The following SNAI2 variants were observed in gnomAD, a reference collection of about 807,000 sequenced individuals.
SNAI2 encodes zinc finger protein SNAI2.
SNAI2 carries 2 observed loss-of-function variants against 22.4 expected under a neutral mutation model. The observed-to-expected ratio is 0.09, with a 90% confidence interval of 0.04 to 0.28. SNAI2 has a LOEUF of 0.28. Ranked by LOEUF, SNAI2 falls within the 10% of genes least tolerant of loss-of-function variation. SNAI2 has a pLI of 1.00. For missense variants in SNAI2, 239 were observed against 320.8 expected (o/e 0.75, Z 1.95); for synonymous variants, 134 against 123.0 (o/e 1.09, Z -0.59).
At chr8:48,921,118 G>A in intron 1 of SNAI2, 69 bp downstream of exon 1, 2 of 1,098,074 alleles carry the variant, frequency 1.8e-6, no homozygotes, top group Non-Finnish European at 2.8e-6. Context: ...GGTATTTGAA[G>A]GGTAATACGT....
At position 48,920,221 on chromosome 8, in the gene SNAI2, A is replaced by G. The variant is rs1244310059; in HGVS notation, c.300T>C (p.Ser100=). The G allele has an allele frequency of 1.9e-6, 3 of 1,614,088 alleles. No homozygotes were observed. The highest frequency in any genetic ancestry group is 2.7e-5 in the African/African-American group (2 of 74,928). Reference sequence around the variant, plus strand: ...CATCACTAATGGGGCTTTCTGAGCCACTGTGGTCCTTGGAGGAGGTGTCAG... The same window carrying G: ...CATCACTAATGGGGCTTTCTGAGCCGCTGTGGTCCTTGGAGGAGGTGTCAG... The part of the protein sequence containing the change: ...PPSDTSSKDH[S]GSESPISDEE... Residue 100 remains serine, a synonymous_variant, in exon 2 of 3, where the codon AGT becomes AGC. Coordinates refer to ENST00000020945, the MANE Select transcript of SNAI2 (RefSeq NM_003068.5).
Position 48,918,558 on chromosome 8 carries a change from C to G in SNAI2, c.*249G>C. On this transcript the variant is annotated 3_prime_UTR_variant, in exon 3 of 3. Coordinates refer to ENST00000020945, the MANE Select transcript of SNAI2 (RefSeq NM_003068.5). ...GAAAGGTTACTGTCTTTTATTCTCT[C>G]AATCTAGCCATCAGCAAATATATAG... The G allele has an allele frequency of 2.0e-6, 1 of 499,228 alleles. No homozygotes were observed. Among genetic ancestry groups the G allele is most frequent in the Non-Finnish European group, 3.6e-6 (1 of 277,934 alleles). The allele number at this position is 499,228 out of a possible 1,614,324, so 30.9% of individuals were successfully genotyped here. A position where few individuals can be genotyped will look rare whatever the true frequency, so the allele number is the denominator to read the frequency against.
chr8:48,920,843 A>G (rs913827301), intron 1 of SNAI2, among the ~76,000 whole-genome samples: 1 of 152,228 alleles, frequency 6.6e-6, no homozygotes, highest in Non-Finnish European at 1.5e-5. Flanking sequence ...GCCTGCATCA[A>G]GCCGCCTTCT....
In SNAI2 at chr8:48,920,265, C is replaced by T. The variant is rs756592742; in HGVS notation, c.256G>A (p.Val86Met). 1 of 1,613,930 alleles carries T rather than the reference C, an allele frequency of 6.2e-7. No individual in the cohort carries two copies. The highest frequency in any genetic ancestry group is 8.5e-7 in the Non-Finnish European group (1 of 1,179,916). Reference sequence around the variant, plus strand: ...GTGTCAGATGGAGGAGGGGGACTCACTCGCCCCAAAGATGAGGAGTATCCG... The same window carrying T: ...GTGTCAGATGGAGGAGGGGGACTCATTCGCCCCAAAGATGAGGAGTATCCG... ...LSGYSSSLGRVSPPPPSDTSS... is the reference protein window; with the variant it reads ...LSGYSSSLGRMSPPPPSDTSS... The change falls in exon 2 of 3, where the codon GTG (valine) becomes ATG (methionine). Residue 86 changes from valine (V) to methionine (M), a missense_variant. Around this residue, in one of 3 missense-constraint regions of SNAI2, gnomAD observed 183 missense variants for 190.4 expected, o/e 0.96. Transcript: ENST00000020945.
rs1454355449 is a variant in SNAI2 at position 48,921,427 on chromosome 8, A to G, written c.-162T>C. 1 of 658,506 alleles carries G rather than the reference A, an allele frequency of 1.5e-6. No homozygotes were observed. The highest frequency in any genetic ancestry group is 1.8e-5 in the African/African-American group (1 of 54,982). The allele number at this position is 658,506 out of a possible 1,614,324, so 40.8% of individuals were successfully genotyped here. On this transcript the variant is annotated 5_prime_UTR_variant, in exon 1 of 3. Transcript: ENST00000020945. ...CTGAAGTCACCCGGCTCCTTTACGA[A>G]CTGAGCCCGTTTTGGCTGGGAGGGT... is the stretch of plus-strand genomic sequence containing the variant.
Position 48,921,041 on chromosome 8 carries a change from G to A in SNAI2, c.79+146C>T. 3 of 687,440 alleles carry A rather than the reference G, an allele frequency of 4.4e-6. No individual in the cohort carries two copies. The East Asian group carries it at 8.0e-5, about 18-fold the overall frequency. 42.6% of individuals were successfully genotyped at this position (687,440 alleles called of 1,614,324 possible). ...TAAAACGAACCCTAAATGATCAAAA[G>A]AATGTAAGCTCCCTTTCAGGACACT... On this transcript the variant is annotated intron_variant, in intron 1 of 2. Coordinates refer to ENST00000020945, the MANE Select transcript of SNAI2 (RefSeq NM_003068.5).
At chr8:48,919,857 A>G (rs367757608) in intron 2 of SNAI2, 39 bp downstream of exon 2, 397 of 1,597,470 alleles carry the variant, frequency 2.5e-4, no homozygotes, top group Middle Eastern at 4.3e-4. Context: ...GCTTCATTGT[A>G]TCTCAGAGTA....
In SNAI2 at chr8:48,919,897, C is replaced by T. The variant is rs1178227421; in HGVS notation, c.624G>A (p.Thr208=). Residue 208 remains threonine (T), a splice_region_variant and synonymous_variant, in exon 2 of 3, where the codon ACG becomes ACA. Transcript: ENST00000020945. ...WLLQGHIRTH[T]GEKPFSCPHC... ...TCCTGCCTATGGTTTTTCTCTTACC[C>T]GTGTGAGTTCTAATGTGTCCTTGAA... 3.7e-6 allele frequency: 6 copies of T among 1,613,492 alleles called. No individual in the cohort carries two copies. Among genetic ancestry groups the T allele is most frequent in the Middle Eastern group, 1.7e-4 (1 of 5,740 alleles).
At position 48,918,134 on chromosome 8, in the gene SNAI2, T is replaced by G. The variant is rs1806104894; in HGVS notation, c.*673A>C. 6.6e-6 allele frequency: 1 copy of G among 152,290 alleles called. No homozygotes were observed. Among genetic ancestry groups the G allele is most frequent in the African/African-American group, 2.4e-5 (1 of 41,454 alleles). 9.4% of individuals were successfully genotyped at this position (152,290 alleles called of 1,614,324 possible). A position where few individuals can be genotyped will look rare whatever the true frequency, so the allele number is the denominator to read the frequency against. ...GACAATGGAGCATGCGCCAGGAATG[T>G]TCAAAGCTAATCTTTCCCTCCTCCC... On this transcript the variant is annotated 3_prime_UTR_variant, in exon 3 of 3. Transcript: ENST00000020945.
Position 48,918,681 on chromosome 8 carries a change from ATGTG to A in SNAI2, c.*122_*125del. 2 of 799,772 alleles carry A rather than the reference ATGTG, an allele frequency of 2.5e-6. No homozygotes were observed. Among genetic ancestry groups the A allele is most frequent in the South Asian group, 2.9e-5 (2 of 68,114 alleles). 49.5% of individuals were successfully genotyped at this position (799,772 alleles called of 1,614,324 possible). A position where few individuals can be genotyped will look rare whatever the true frequency, so the allele number is the denominator to read the frequency against. On this transcript the variant is annotated 3_prime_UTR_variant, in exon 3 of 3. Transcript: ENST00000020945. ...TGGGTGTGTGTGTGTGTGTGTGCAT[ATGTG>A]TGTGTGTCTATACATATTATTTGGT...
chr8:48,918,678 C>A lies in SNAI2; in HGVS notation c.*129G>T, dbSNP rs563330068. The A allele has an allele frequency of 2.6e-4, 198 of 765,364 alleles. 1 individual carries two copies. Among genetic ancestry groups the A allele is most frequent in the Middle Eastern group, 1.3e-3 (5 of 3,860 alleles). The allele number at this position is 765,364 out of a possible 1,614,324, so 47.4% of individuals were successfully genotyped here. A position where few individuals can be genotyped will look rare whatever the true frequency, so the allele number is the denominator to read the frequency against. On this transcript the variant is annotated 3_prime_UTR_variant, in exon 3 of 3. Coordinates refer to ENST00000020945, the MANE Select transcript of SNAI2 (RefSeq NM_003068.5). ...CTGTGGGTGTGTGTGTGTGTGTGTG[C>A]ATATGTGTGTGTGTCTATACATATT...
chr8:48,919,131 A>G (rs1806122337), intron 2 of SNAI2, 143 bp from the exon 3 acceptor site: 2 of 718,102 alleles, frequency 2.8e-6, no homozygotes, highest in Non-Finnish European at 4.6e-6. Flanking sequence ...CTCATAATAG[A>G]CACTTTTAAA....
chr8:48,921,151 A>T, intron 1 of SNAI2, 36 bp downstream of exon 1: 1 of 1,407,296 alleles, frequency 7.1e-7, no homozygotes, highest in Non-Finnish European at 1.0e-6. Flanking sequence ...GCAAAGCTCT[A>T]GATACGTAGT....
In SNAI2 at chr8:48,920,080, C is replaced by T. The variant is rs1806138275; in HGVS notation, c.441G>A (p.Lys147=). 9.9e-6 allele frequency: 16 copies of T among 1,614,058 alleles called. No homozygotes were observed. The highest frequency in any genetic ancestry group is 1.4e-5 in the Non-Finnish European group (16 of 1,180,046). The change falls in exon 2 of 3, where the codon AAG becomes AAA. Residue 147 remains lysine (K), a synonymous_variant. Transcript: ENST00000020945. The part of the protein sequence containing the change: ...YSTFSGLAKH[K]QLHCDAQSRK... ...TAGACTGGGCATCGCAGTGCAGCTG[C>T]TTATGTTTGGCCAGCCCAGAAAAAG...
chr8:48,921,004 A>G (rs1210745263), intron 1 of SNAI2, among the ~76,000 whole-genome samples, 183 bp downstream of exon 1: 3 of 152,264 alleles, frequency 2.0e-5, no homozygotes, highest in African/African-American at 7.2e-5. Context: ...AAGAATTTTA[A>G]AAGTTTTGAA....
chr8:48,920,042 C>G lies in SNAI2; in HGVS notation c.479G>C (p.Ser160Thr), dbSNP rs780781747. Residue 160 changes from serine (S) to threonine (T), a missense_variant, in exon 2 of 3, where the codon AGC becomes ACC. By Grantham distance (58) the Ser-to-Thr change is moderately conservative. Transcript: ENST00000020945. ...ATATTCCTTGTCACAGTATTTACAGCTGAAAGATTTTCTAGACTGGGCATC... is the reference window on the plus strand; with the variant it reads ...ATATTCCTTGTCACAGTATTTACAGGTGAAAGATTTTCTAGACTGGGCATC... ...HCDAQSRKSFSCKYCDKEYVS... is the reference protein window; with the variant it reads ...HCDAQSRKSFTCKYCDKEYVS... 6.2e-7 allele frequency: 1 copy of G among 1,614,222 alleles called. No homozygotes were observed. Among genetic ancestry groups the G allele is most frequent in the South Asian group, 1.1e-5 (1 of 91,090 alleles).
At position 48,920,429 on chromosome 8, in the gene SNAI2, G is replaced by A. The variant is rs1207656642; in HGVS notation, c.92C>T (p.Pro31Leu). 6.2e-7 allele frequency: 1 copy of A among 1,613,626 alleles called. No individual in the cohort carries two copies. Among genetic ancestry groups the A allele is most frequent in the Non-Finnish European group, 8.5e-7 (1 of 1,179,728 alleles). ...CATGGAGTAACTCTCATAGAGATAC[G>A]GGGAAATAATCACTGGGAAAGAAAA... ...ELDTHTVIISPYLYESYSMPV... is the reference protein window; with the variant it reads ...ELDTHTVIISLYLYESYSMPV... The change falls in exon 2 of 3, where the codon CCG (proline) becomes CTG (leucine). Residue 31 changes from proline (P) to leucine (L), a missense_variant. Coordinates refer to ENST00000020945, the MANE Select transcript of SNAI2 (RefSeq NM_003068.5).
At chr8:48,921,120 G>A in intron 1 of SNAI2, 67 bp downstream of exon 1, 2 of 1,106,244 alleles carry the variant, frequency 1.8e-6, no homozygotes, top group Non-Finnish European at 1.4e-6. Context: ...TATTTGAAGG[G>A]TAATACGTAG....
At chr8:48,920,944 G>T (rs766212646) in intron 1 of SNAI2, among the ~76,000 whole-genome samples, 2 of 152,126 alleles carry the variant, frequency 1.3e-5, no homozygotes, top group Non-Finnish European at 2.9e-5. Flanking sequence ...GTATACACAG[G>T]CTTTAGCAAA....
Sources: allele counts gnomAD v4.1 joint callset (sites outside exome capture counted in the v4.1 genomes callset), GRCh38; gene constraint gnomAD v4.1.1; regional missense constraint gnomAD v4.1.1; transcripts MANE v1.5; gene names NCBI Gene and HGNC (gene_info 2026-07-23, HGNC 2026-07-21).